DKK2: variants seen among roughly 807,000 people sequenced by gnomAD.
The protein encoded by DKK2 is dickkopf-related protein 2.
In DKK2, 11 loss-of-function variants were observed where a neutral mutation model predicts 28.1. That is an observed-to-expected ratio of 0.39 (90% CI 0.25 to 0.65). The LOEUF is 0.65. Among genes scored for constraint, DKK2 ranks in the 30% least tolerant of loss-of-function variants. The probability of loss-of-function intolerance (pLI) is 0.47; values close to 1 mark genes in which losing one functional copy is unlikely to be tolerated. For synonymous variants in DKK2, 135 were observed against 126.5 expected (o/e 1.07, Z -0.45); for missense variants, 326 against 335.5 (o/e 0.97, Z 0.22).
chr4:106,928,912 G>A (rs1724462003), intron 1 of DKK2, among the ~76,000 whole-genome samples: 1 of 152,122 alleles, frequency 6.6e-6, no homozygotes, highest in Non-Finnish European at 1.5e-5. Context: ...GATATCATTG[G>A]TGAAAGGGAG....
intron 1 of DKK2, among the ~76,000 whole-genome samples, chr4:106,970,443 C>A (rs1722854153): frequency 6.6e-6 from 1 of 152,046 alleles, no homozygotes; most frequent in African/African-American, 2.4e-5. Context: ...GTGAAATCCC[C>A]AGAAATGTGC....
At position 106,922,490 on chromosome 4, in the gene DKK2, A is replaced by AT. The variant is rs1005343685; in HGVS notation, c.*1463dup. 2 of 152,168 alleles carry AT rather than the reference A, an allele frequency of 1.3e-5. No individual in the cohort carries two copies. The highest frequency in any genetic ancestry group is 2.4e-5 in the African/African-American group (1 of 41,454). The allele number at this position is 152,168 out of a possible 1,614,324, so 9.4% of individuals were successfully genotyped here. On this transcript the variant is annotated 3_prime_UTR_variant, in exon 4 of 4. Transcript: ENST00000285311. ...AGGTTTTACAAGTTATCCTACTTAT[A>AT]TTTTTTAACCGCAATGGCTGCAGAA...
rs937143669 is a variant in DKK2 at position 106,965,879 on chromosome 4, A to G, written c.223-39930T>C. Among the ~76,000 whole-genome samples, 4 of 150,434 alleles carry G rather than the reference A, an allele frequency of 2.7e-5. No homozygotes were observed. In the Admixed American group the frequency reaches 2.7e-4, roughly 10 times the overall value. On this transcript the variant is annotated intron_variant, in intron 1 of 3. Coordinates refer to ENST00000285311, the MANE Select transcript of DKK2 (RefSeq NM_014421.3). ...TTTGTTCTTGCGATAGTTTACTGAG[A>G]ATGATGTTTTCCAATTTCATCCATG...
At chr4:107,026,124 G>C (rs1723775453) in intron 1 of DKK2, among the ~76,000 whole-genome samples, 1 of 152,164 alleles carries the variant, frequency 6.6e-6, no homozygotes, top group Admixed American at 6.5e-5. Flanking sequence ...ATCCAGTTCT[G>C]TGTCCTGCTT....
intron 1 of DKK2, among the ~76,000 whole-genome samples, chr4:106,940,515 C>T (rs846232): frequency 0.46 from 66,824 of 146,746 alleles, 16,273 homozygotes; most frequent in African/African-American, 0.62. Flanking sequence ...TTAGTGGGAC[C>T]GTAAACTAGT....
intron 1 of DKK2, among the ~76,000 whole-genome samples, chr4:107,021,676 A>G (rs1295211587): frequency 2.0e-5 from 3 of 152,188 alleles, no homozygotes; most frequent in Admixed American, 6.6e-5. Context: ...GCCTCTTCTC[A>G]CTAATATTTC....
At chr4:106,992,800 A>G (rs1024798273) in intron 1 of DKK2, among the ~76,000 whole-genome samples, 1 of 152,168 alleles carries the variant, frequency 6.6e-6, no homozygotes, top group African/African-American at 2.4e-5. Context: ...TCGAAATCCT[A>G]CCTACTATTA....
rs575695958 is a variant in DKK2, at chr4:107,020,789, G to A, written c.222+14581C>T. ...TTTGTGTGTGTGTGTGTCTCTGTGC[G>A]CACATTTTAACTAAGTTGCACATGA... On this transcript the variant is annotated intron_variant, in intron 1 of 3. Coordinates refer to ENST00000285311, the MANE Select transcript of DKK2 (RefSeq NM_014421.3). Among the ~76,000 whole-genome samples the A allele has an allele frequency of 1.8e-4, 27 of 151,912 alleles. No individual in the cohort carries two copies. The South Asian group carries it at 4.0e-3, about 22-fold the overall frequency.
At chr4:107,015,701 T>G (rs1174789870) in intron 1 of DKK2, among the ~76,000 whole-genome samples, 2 of 151,780 alleles carry the variant, frequency 1.3e-5, no homozygotes, top group Admixed American at 1.3e-4. Context: ...CTCAATGATC[T>G]GTGTCTCAAT....
At chr4:106,929,795 T>A (rs545445190) in intron 1 of DKK2, among the ~76,000 whole-genome samples, 21 of 152,292 alleles carry the variant, frequency 1.4e-4, no homozygotes, top group Non-Finnish European at 4.4e-5. Flanking sequence ...TTTAGAATCA[T>A]TACCTAAAAT....
intron 1 of DKK2, among the ~76,000 whole-genome samples, chr4:107,010,931 C>T (rs780943797): frequency 5.3e-5 from 8 of 151,098 alleles, no homozygotes; most frequent in East Asian, 3.9e-4. Context: ...GAAAGTAGAG[C>T]GAAGCATGAT....
intron 1 of DKK2, among the ~76,000 whole-genome samples, chr4:106,974,573 A>AT (rs1182031628): frequency 6.6e-6 from 1 of 151,998 alleles, no homozygotes; most frequent in Non-Finnish European, 1.5e-5. Flanking sequence ...AATGCTTGTG[A>AT]TTTTCGCACA....
chr4:106,957,416 G>T (rs1166644158), intron 1 of DKK2, among the ~76,000 whole-genome samples: 3 of 152,008 alleles, frequency 2.0e-5, no homozygotes, highest in African/African-American at 7.3e-5. Flanking sequence ...TATACCCAAA[G>T]GATTATAAAT....
intron 1 of DKK2, among the ~76,000 whole-genome samples, chr4:106,928,393 A>G (rs561890443): frequency 1.1e-4 from 17 of 152,328 alleles, no homozygotes; most frequent in African/African-American, 3.1e-4. Flanking sequence ...AAGGTTATGT[A>G]TATTGGGAAC....
At chr4:106,961,873 G>A (rs539006471) in intron 1 of DKK2, among the ~76,000 whole-genome samples, 33 of 152,118 alleles carry the variant, frequency 2.2e-4, no homozygotes, top group Non-Finnish European at 3.2e-4. Flanking sequence ...TATGACATAC[G>A]CAAAGCACTT....
At position 106,923,831 on chromosome 4, in the gene DKK2, A is replaced by T; in HGVS notation, c.*123T>A. The T allele has an allele frequency of 7.5e-7, 1 of 1,337,880 alleles. No homozygotes were observed. Among genetic ancestry groups the T allele is most frequent in the Admixed American group, 2.1e-5 (1 of 46,608 alleles). The allele number at this position is 1,337,880 out of a possible 1,614,324, so 82.9% of individuals were successfully genotyped here. A position where few individuals can be genotyped will look rare whatever the true frequency, so the allele number is the denominator to read the frequency against. On this transcript the variant is annotated 3_prime_UTR_variant, in exon 4 of 4. Coordinates refer to ENST00000285311, the MANE Select transcript of DKK2 (RefSeq NM_014421.3). ...TCTTTCTCCCTTTTTGTGATCATCTATATTCTTATCACGTTTCTTATTTTA... is the reference window on the plus strand; with the variant it reads ...TCTTTCTCCCTTTTTGTGATCATCTTTATTCTTATCACGTTTCTTATTTTA...
chr4:106,941,035 C>A (rs986893147), intron 1 of DKK2, among the ~76,000 whole-genome samples: 3 of 151,898 alleles, frequency 2.0e-5, no homozygotes, highest in Admixed American at 2.0e-4. Context: ...GGGCAGCGCA[C>A]CAGCATGGCA....
At chr4:106,996,976 A>G (rs1199393381) in intron 1 of DKK2, among the ~76,000 whole-genome samples, 2 of 152,220 alleles carry the variant, frequency 1.3e-5, no homozygotes, top group Admixed American at 6.5e-5. Flanking sequence ...GTAGAAAGAA[A>G]AAAAGCAACT....
At chr4:107,003,732 AAACT>A (rs1475077472) in intron 1 of DKK2, among the ~76,000 whole-genome samples, 1 of 152,210 alleles carries the variant, frequency 6.6e-6, no homozygotes, top group African/African-American at 2.4e-5. Flanking sequence ...CAGTAGTATA[AAACT>A]AACCTGTCTC....
Sources: gnomAD v4.1 joint callset for allele counts (sites outside exome capture counted in the v4.1 genomes callset) on GRCh38, gnomAD v4.1.1 for gene constraint, MANE v1.5 for transcripts, NCBI Gene and HGNC (gene_info 2026-07-23, HGNC 2026-07-21) for gene names.